CRHR2: variants seen among roughly 807,000 people sequenced by gnomAD.
CRHR2 encodes corticotropin releasing hormone receptor 2.
Under a neutral mutation model 57.9 loss-of-function variants are expected in CRHR2, and 53 were observed. That is an observed-to-expected ratio of 0.92 (90% CI 0.73 to 1.15). The LOEUF (loss-of-function observed/expected upper bound fraction) is 1.15. Ranked by LOEUF, CRHR2 falls within the 50% of genes most tolerant of loss-of-function variation. The pLI, the probability that CRHR2 is intolerant of heterozygous loss-of-function variation, is 0.00. For synonymous variants in CRHR2, 213 were observed against 220.9 expected (o/e 0.96, Z 0.32); for missense variants, 532 against 542.6 (o/e 0.98, Z 0.19).
rs1353948828 is a variant in CRHR2 at position 30,665,300 on chromosome 7, G to A, written c.426-113C>T. On this transcript the variant is annotated intron_variant, in intron 4 of 11. Transcript: ENST00000471646. This position sits in a 1 kb window ranked among gnomAD's most constrained non-coding sequence, Gnocchi z 4.5. Reference sequence around the variant, plus strand: ...GGATGAGGGCAGGGCTGCACTAGGAGCCACTTCCCACCCATGGTGGCCACA... The same window carrying A: ...GGATGAGGGCAGGGCTGCACTAGGAACCACTTCCCACCCATGGTGGCCACA... 1.6e-5 allele frequency: 15 copies of A among 952,440 alleles called. No individual in the cohort carries two copies. The highest frequency in any genetic ancestry group is 4.0e-5 in the Admixed American group (2 of 49,434). The allele number at this position is 952,440 out of a possible 1,614,324, so 59.0% of individuals were successfully genotyped here. A position where few individuals can be genotyped will look rare whatever the true frequency, so the allele number is the denominator to read the frequency against.
At chr7:30,680,341 G>A (rs956479945) in intron 2 of CRHR2, among the ~76,000 whole-genome samples, 2 of 152,236 alleles carry the variant, frequency 1.3e-5, no homozygotes, top group Non-Finnish European at 2.9e-5. Flanking sequence ...AGAGACCCAG[G>A]CCCTGGGAAG....
intron 2 of CRHR2, among the ~76,000 whole-genome samples, chr7:30,672,955 A>C (rs1380854922): frequency 6.6e-6 from 1 of 152,192 alleles, no homozygotes; most frequent in African/African-American, 2.4e-5. Context: ...GAGACCCTGG[A>C]GTTGGTGTAC....
chr7:30,665,474 A>AG lies in CRHR2; in HGVS notation c.425+55dup. ...AGGTGAGAATGTCTGGGAGAGGTGA[A>AG]GGGGGTGCTGTAGGGGGAGGGATGA... On this transcript the variant is annotated intron_variant, in intron 4 of 11. Coordinates refer to ENST00000471646, the MANE Select transcript of CRHR2 (RefSeq NM_001883.5). This position sits in a 1 kb window ranked among gnomAD's most constrained non-coding sequence, Gnocchi z 4.5. 1.4e-6 allele frequency: 2 copies of AG among 1,382,602 alleles called. No individual in the cohort carries two copies. Among genetic ancestry groups the AG allele is most frequent in the Non-Finnish European group, 2.0e-6 (2 of 995,292 alleles). The allele number at this position is 1,382,602 out of a possible 1,614,324, so 85.6% of individuals were successfully genotyped here.
Position 30,671,843 on chromosome 7 carries a change from A to AATG in CRHR2, c.230-4533_230-4531dup, listed in dbSNP as rs769616381. ...TGATGATGATGATGATGATGATGAT[A>AATG]ATGATGATGATGATAGAAGAAGAAG... On this transcript the variant is annotated intron_variant, in intron 2 of 11. Transcript: ENST00000471646. Among the ~76,000 whole-genome samples, 834 of 100,816 alleles carry AATG rather than the reference A, an allele frequency of 8.3e-3. 8 individuals are homozygous for AATG. The highest frequency in any genetic ancestry group is 0.028 in the Middle Eastern group (6 of 212). The allele number at this position is 100,816 out of a possible 152,430, so 66.1% of individuals were successfully genotyped here.
intron 9 of CRHR2, 41 bp downstream of exon 9, chr7:30,655,886 C>T (rs914830236): frequency 2.1e-5 from 33 of 1,606,952 alleles, no homozygotes; most frequent in Non-Finnish European, 2.6e-5. Flanking sequence ...CGATGACCTC[C>T]TCCTGTCCCC....
At chr7:30,662,121 C>T in intron 7 of CRHR2, 35 bp downstream of exon 7, 1 of 1,611,598 alleles carries the variant, frequency 6.2e-7, no homozygotes, top group East Asian at 2.2e-5. Flanking sequence ...CCATTCCCTT[C>T]CCCATGACCC....
At chr7:30,654,626 G>A in intron 11 of CRHR2, 1 of 1,489,316 alleles carries the variant, frequency 6.7e-7, no homozygotes, top group Non-Finnish European at 9.0e-7. Flanking sequence ...TGCTCTTGGT[G>A]TGTGGGCTTT....
chr7:30,660,753 C>T lies in CRHR2; in HGVS notation c.759-108G>A, dbSNP rs562736133. ...TTTACCCTTCCTGAGACCCAATCTCCAGGACTGCCCCTTCCCAGAAAGCCT... is the reference window on the plus strand; with the variant it reads ...TTTACCCTTCCTGAGACCCAATCTCTAGGACTGCCCCTTCCCAGAAAGCCT... On this transcript the variant is annotated intron_variant, in intron 7 of 11. Transcript: ENST00000471646. 196 of 1,005,704 alleles carry T rather than the reference C, an allele frequency of 1.9e-4. 1 individual carries two copies. In the South Asian group the frequency reaches 2.2e-3, roughly 11 times the overall value. The allele number at this position is 1,005,704 out of a possible 1,614,324, so 62.3% of individuals were successfully genotyped here.
chr7:30,683,042 GGA>G (rs1251108682), upstream of CRHR2, among the ~76,000 whole-genome samples: 2 of 152,180 alleles, frequency 1.3e-5, no homozygotes, highest in African/African-American at 4.8e-5. Context: ...AAGCTGGAAT[GGA>G]GAGAGATTTC....
chr7:30,653,393 GCA>G lies in CRHR2; in HGVS notation c.*65_*66del. On this transcript the variant is annotated 3_prime_UTR_variant, in exon 12 of 12. Transcript: ENST00000471646. This position sits in a 1 kb window ranked among gnomAD's most constrained non-coding sequence, Gnocchi z 5.0. The stretch of plus-strand genomic sequence containing the variant: ...CTCCTGCCCCACGAGAGCCTGCCCA[GCA>G]CAGAGAACCCAGAGGAAGAAGGTGG... The G allele has an allele frequency of 1.3e-6, 2 of 1,579,398 alleles. No individual in the cohort carries two copies.
In CRHR2 at chr7:30,655,677, A is replaced by T; in HGVS notation, c.956T>A (p.Leu319Gln). The change falls in exon 10 of 12, where the codon CTG becomes CAG. Residue 319 changes from leucine to glutamine, a missense_variant. By Grantham distance (113) the Leu-to-Gln change is moderately radical (BLOSUM62 -2). Coordinates refer to ENST00000471646, the MANE Select transcript of CRHR2 (RefSeq NM_001883.5). ...VKATLVLLPLLGITYMLFFVN... is the reference protein window; with the variant it reads ...VKATLVLLPLQGITYMLFFVN... ...GAAGAAGAGCATGTAGGTGATGCCCAGGAGGGGCAGGAGCACCAGGGTGGC... is the reference window on the plus strand; with the variant it reads ...GAAGAAGAGCATGTAGGTGATGCCCTGGAGGGGCAGGAGCACCAGGGTGGC... 6.2e-7 allele frequency: 1 copy of T among 1,614,128 alleles called. No individual in the cohort carries two copies. The highest frequency in any genetic ancestry group is 8.5e-7 in the Non-Finnish European group (1 of 1,179,964).
At chr7:30,692,267 G>C (rs1784976191) in intron 1 of CRHR2, among the ~76,000 whole-genome samples, 1 of 152,176 alleles carries the variant, frequency 6.6e-6, no homozygotes, top group African/African-American at 2.4e-5. Flanking sequence ...GGACTCCCAA[G>C]GCCCAGCTCA....
intron 1 of CRHR2, among the ~76,000 whole-genome samples, chr7:30,695,319 C>T (rs148302137): frequency 1.6e-3 from 241 of 152,192 alleles, no homozygotes; most frequent in African/African-American, 5.4e-3. Context: ...TGGGCAGCTC[C>T]CAGCGGCTTT....
In CRHR2 at chr7:30,665,154, C is replaced by G; in HGVS notation, c.459G>C (p.Trp153Cys). Residue 153 changes from tryptophan (W) to cysteine (C), a missense_variant, in exon 5 of 12, where the codon TGG becomes TGC. Coordinates refer to ENST00000471646, the MANE Select transcript of CRHR2 (RefSeq NM_001883.5). This position sits in a 1 kb window ranked among gnomAD's most constrained non-coding sequence, Gnocchi z 4.5. The stretch of plus-strand genomic sequence containing the variant: ...GCAGGATAAAGGTGGTGATGAGGTT[C>G]CAGTGAATCACATTCCGCAGACAGC... ...SIRCLRNVIH[W>C]NLITTFILRN... The G allele has an allele frequency of 1.2e-6, 2 of 1,614,086 alleles. No homozygotes were observed. Among genetic ancestry groups the G allele is most frequent in the Non-Finnish European group, 1.7e-6 (2 of 1,180,018 alleles).
At position 30,658,266 on chromosome 7, in the gene CRHR2, G is replaced by A. The variant is rs548057114; in HGVS notation, c.832-2254C>T. On this transcript the variant is annotated intron_variant, in intron 8 of 11. Transcript: ENST00000471646. ...ACACTCCAGTTCTTTAGTAAGAACTGTCTATTGTACCCTGCCCTCGTTCAG... is the reference window on the plus strand; with the variant it reads ...ACACTCCAGTTCTTTAGTAAGAACTATCTATTGTACCCTGCCCTCGTTCAG... Among the ~76,000 whole-genome samples, 8 of 152,162 alleles carry A rather than the reference G, an allele frequency of 5.3e-5. No individual in the cohort carries two copies. The South Asian group carries it at 8.3e-4, about 16-fold the overall frequency.
intron 1 of CRHR2, among the ~76,000 whole-genome samples, chr7:30,694,307 G>A (rs894899415): frequency 6.6e-6 from 1 of 152,228 alleles, no homozygotes. Context: ...GGCATGGGAG[G>A]CCCTCACCTT....
chr7:30,664,047 C>A (rs1342926150), intron 5 of CRHR2, among the ~76,000 whole-genome samples: 1 of 152,228 alleles, frequency 6.6e-6, no homozygotes, highest in Non-Finnish European at 1.5e-5. Context: ...CCTCCCAACC[C>A]TACTTTTCAT....
At chr7:30,688,602 C>T (rs376358151) in intron 2 of CRHR2, among the ~76,000 whole-genome samples, 26 of 152,162 alleles carry the variant, frequency 1.7e-4, no homozygotes, top group South Asian at 2.1e-4. Flanking sequence ...GCCCCAGGCC[C>T]GAGCAAGGGT....
In CRHR2 at chr7:30,665,420, G is replaced by T; in HGVS notation, c.425+110C>A. The T allele has an allele frequency of 9.9e-7, 1 of 1,005,136 alleles. No individual in the cohort carries two copies. The highest frequency in any genetic ancestry group is 1.6e-5 in the African/African-American group (1 of 62,084). The allele number at this position is 1,005,136 out of a possible 1,614,324, so 62.3% of individuals were successfully genotyped here. On this transcript the variant is annotated intron_variant, in intron 4 of 11. Transcript: ENST00000471646. The surrounding 1 kb of genome is among the most constrained non-coding windows in gnomAD (Gnocchi z 4.5). ...CACCCAAACCCCACTTTCTCCACGG[G>T]CCCTTTTATCTGCTGGGCCCCAGAA...
Sources: allele counts gnomAD v4.1 joint callset (sites outside exome capture counted in the v4.1 genomes callset), GRCh38; gene constraint gnomAD v4.1.1; non-coding constraint Gnocchi (gnomAD v3.1); transcripts MANE v1.5; gene names NCBI Gene and HGNC (gene_info 2026-07-23, HGNC 2026-07-21).